CSMD3: variants seen among roughly 807,000 people sequenced by gnomAD.
CSMD3 encodes CUB and sushi domain-containing protein 3.
A neutral mutation model predicts 435.2 loss-of-function variants in CSMD3; 177 were observed. The ratio of observed to expected loss-of-function variants is 0.41; its 90% CI spans 0.36 to 0.46. The LOEUF (loss-of-function observed/expected upper bound fraction) is 0.46, where lower values mean the gene tolerates loss of function less well. CSMD3 is among the 20% of genes least tolerant of loss of function. The pLI is 0.34. For synonymous variants in CSMD3, 1,656 were observed against 1,520.5 expected (o/e 1.09, Z -2.07); for missense variants, 4,265 against 4,504.6 (o/e 0.95, Z 1.52).
intron 27 of CSMD3, among the ~76,000 whole-genome samples, chr8:112,544,691 T>C (rs1315494961): frequency 6.6e-6 from 1 of 152,192 alleles, no homozygotes; most frequent in Non-Finnish European, 1.5e-5. Context: ...TGTTATCTTT[T>C]TGGTTTCGTT....
intron 10 of CSMD3, among the ~76,000 whole-genome samples, chr8:112,877,543 C>T (rs923167258): frequency 3.3e-5 from 5 of 152,132 alleles, no homozygotes; most frequent in African/African-American, 9.6e-5. Context: ...GCTGGGATTA[C>T]AGGCATGAGC....
chr8:113,130,742 G>A (rs1249228884), intron 4 of CSMD3, among the ~76,000 whole-genome samples: 1 of 152,156 alleles, frequency 6.6e-6, no homozygotes, highest in African/African-American at 2.4e-5. Flanking sequence ...GGAGGGCTCA[G>A]AAGAAGACAG....
intron 1 of CSMD3, among the ~76,000 whole-genome samples, chr8:113,361,729 G>A (rs1486022590): frequency 6.6e-6 from 1 of 151,910 alleles, no homozygotes; most frequent in Non-Finnish European, 1.5e-5. Flanking sequence ...GTAATTTTTA[G>A]GCAACTGAGC....
At position 112,281,320 on chromosome 8, in the gene CSMD3, G is replaced by A. The variant is rs1294622951; in HGVS notation, c.9362C>T (p.Ala3121Val). The A allele has an allele frequency of 6.2e-7, 1 of 1,613,210 alleles. No individual in the cohort carries two copies. Among genetic ancestry groups the A allele is most frequent in the Non-Finnish European group, 8.5e-7 (1 of 1,179,464 alleles). Residue 3121 changes from alanine (A) to valine (V), a missense_variant, in exon 59 of 71, where the codon GCC becomes GTC. By Grantham distance (64) the Ala-to-Val change is moderately conservative. This residue lies in a region of CSMD3 where 3,255 missense variants were observed against 3,380.2 expected (regional missense o/e 0.96). Coordinates refer to ENST00000297405, the MANE Select transcript of CSMD3 (RefSeq NM_198123.2). The part of the protein sequence containing the change: ...AVQCGNPGTT[A>V]NGKVFRIDGT... ...ATCAATTCGGAAGACTTTCCCATTG[G>A]CTGTGGTTCCTGGGTTACCACACTG...
At chr8:113,113,466 T>C (rs2090726544) in intron 4 of CSMD3, among the ~76,000 whole-genome samples, 1 of 152,220 alleles carries the variant, frequency 6.6e-6, no homozygotes, top group East Asian at 1.9e-4. Context: ...AATAGCTATG[T>C]GTCATGTACC....
chr8:112,236,803 A>G (rs1303983551), intron 67 of CSMD3, among the ~76,000 whole-genome samples: 2 of 152,142 alleles, frequency 1.3e-5, no homozygotes, highest in Non-Finnish European at 2.9e-5. Flanking sequence ...TCCATCTATA[A>G]ACATGGTCAT....
chr8:113,189,514 T>C (rs1412003879), intron 3 of CSMD3, among the ~76,000 whole-genome samples: 1 of 151,870 alleles, frequency 6.6e-6, no homozygotes, highest in Non-Finnish European at 1.5e-5. Flanking sequence ...TACTGGACTT[T>C]CTTATTTCAA....
At chr8:113,198,684 T>G (rs2092686479) in intron 3 of CSMD3, among the ~76,000 whole-genome samples, 1 of 151,320 alleles carries the variant, frequency 6.6e-6, no homozygotes, top group South Asian at 2.1e-4. Context: ...TTTGCAATGT[T>G]AGATATTAAT....
chr8:112,475,756 AT>A (rs1381899368), intron 31 of CSMD3, among the ~76,000 whole-genome samples: 2 of 152,120 alleles, frequency 1.3e-5, no homozygotes, highest in African/African-American at 2.4e-5. Context: ...AGCTTTTTAT[AT>A]TCTTACTTTC....
chr8:113,257,764 A>G (rs1451497196), intron 3 of CSMD3, among the ~76,000 whole-genome samples: 1 of 152,242 alleles, frequency 6.6e-6, no homozygotes, highest in Non-Finnish European at 1.5e-5. Flanking sequence ...GTGGCAAATT[A>G]AAGCATCTCA....
Position 112,525,748 on chromosome 8 carries a change from A to G in CSMD3, c.4565-8523T>C, listed in dbSNP as rs1476495226. On this transcript the variant is annotated intron_variant, in intron 27 of 70. Transcript: ENST00000297405. ...CAAAAAAACCCCAAAAACCATATATATACATATATATATATATATATATTT... is the reference window on the plus strand; with the variant it reads ...CAAAAAAACCCCAAAAACCATATATGTACATATATATATATATATATATTT... Among the ~76,000 whole-genome samples, 16 of 136,644 alleles carry G rather than the reference A, an allele frequency of 1.2e-4. No homozygotes were observed. In the East Asian group the frequency reaches 1.3e-3, roughly 11 times the overall value. The allele number at this position is 136,644 out of a possible 152,430, so 89.6% of individuals were successfully genotyped here.
intron 7 of CSMD3, among the ~76,000 whole-genome samples, chr8:112,961,216 A>G (rs1173390971): frequency 6.6e-6 from 1 of 151,788 alleles, no homozygotes; most frequent in Admixed American, 6.6e-5. Context: ...TATACCAAAA[A>G]TTTGTTAACT....
intron 11 of CSMD3, among the ~76,000 whole-genome samples, chr8:112,858,309 A>ACATCAGAG (rs2080724482): frequency 6.6e-6 from 1 of 151,824 alleles, no homozygotes; most frequent in Non-Finnish European, 1.5e-5. Context: ...TAAAGAAACA[A>ACATCAGAG]CATCAGAGAG....
chr8:112,458,215 C>CCACACACACACACACACACACA (rs1283555462), intron 32 of CSMD3, among the ~76,000 whole-genome samples: 88 of 150,808 alleles, frequency 5.8e-4, no homozygotes, highest in African/African-American at 1.9e-3. Context: ...ACACTCACAC[C>CCACACACACACACACACACACA]CACACACACA....
At chr8:113,418,161 T>G (rs2094591285) in intron 1 of CSMD3, among the ~76,000 whole-genome samples, 1 of 152,118 alleles carries the variant, frequency 6.6e-6, no homozygotes. Flanking sequence ...AGATCGAATA[T>G]GCATAAATTA....
At chr8:112,342,971 TTATA>T (rs1159933349) in intron 41 of CSMD3, among the ~76,000 whole-genome samples, 1 of 92,408 alleles carries the variant, frequency 1.1e-5, no homozygotes, top group African/African-American at 3.9e-5. Flanking sequence ...TTGAAATGTA[TTATA>T]TATATATATA....
At chr8:113,216,082 T>G (rs560141392) in intron 3 of CSMD3, among the ~76,000 whole-genome samples, 2 of 151,720 alleles carry the variant, frequency 1.3e-5, no homozygotes, top group East Asian at 3.9e-4. Flanking sequence ...CAGTCCTACA[T>G]AGAGGAACCC....
intron 27 of CSMD3, among the ~76,000 whole-genome samples, chr8:112,543,094 C>T (rs186508211): frequency 6.6e-6 from 1 of 151,942 alleles, no homozygotes; most frequent in South Asian, 2.1e-4. Context: ...ACACAAAAAT[C>T]AACTCAAAAT....
intron 4 of CSMD3, among the ~76,000 whole-genome samples, chr8:113,156,766 A>AC (rs1429437620): frequency 1.2e-4 from 18 of 149,280 alleles, no homozygotes; most frequent in Admixed American, 2.7e-4. Context: ...ATAAATAAAT[A>AC]AATAAATAAA....
Sources: gnomAD v4.1 joint callset for allele counts (sites outside exome capture counted in the v4.1 genomes callset) on GRCh38, gnomAD v4.1.1 for gene constraint, gnomAD v4.1.1 regional missense constraint, MANE v1.5 for transcripts, NCBI Gene and HGNC (gene_info 2026-07-23, HGNC 2026-07-21) for gene names.